Variants in PPP2R2B observed in about 807,000 individuals in gnomAD.
PPP2R2B encodes the protein serine/threonine-protein phosphatase 2A 55 kDa regulatory subunit B beta isoform.
A neutral mutation model predicts 46.0 loss-of-function variants in PPP2R2B; 5 were observed. The ratio of observed to expected loss-of-function variants is 0.11; its 90% CI spans 0.06 to 0.23. PPP2R2B has a LOEUF of 0.23. Ranked by LOEUF, PPP2R2B falls within the 10% of genes least tolerant of loss-of-function variation. The pLI is 1.00. For synonymous variants in PPP2R2B, 215 were observed against 206.7 expected (o/e 1.04, Z -0.34); for missense variants, 367 against 575.0 (o/e 0.64, Z 3.70).
chr5:146,716,482 C>T (rs1253064310), intron 2 of PPP2R2B, among the ~76,000 whole-genome samples: 1 of 152,156 alleles, frequency 6.6e-6, no homozygotes, highest in Non-Finnish European at 1.5e-5. Flanking sequence ...TAGCTCTTAA[C>T]CTTTATTAGG....
intron 2 of PPP2R2B, among the ~76,000 whole-genome samples, chr5:146,874,569 T>C (rs1761791052): frequency 6.6e-6 from 1 of 152,204 alleles, no homozygotes; most frequent in South Asian, 2.1e-4. Context: ...TAGGTTCTAT[T>C]GTTATTCCCA....
intron 1 of PPP2R2B, among the ~76,000 whole-genome samples, chr5:146,885,569 CA>C (rs1762295072): frequency 1.3e-5 from 2 of 152,132 alleles, no homozygotes; most frequent in African/African-American, 4.8e-5. Flanking sequence ...GCCAGTTCTT[CA>C]AAATATTAAG....
chr5:146,756,280 G>T (rs1753826075), intron 2 of PPP2R2B, among the ~76,000 whole-genome samples: 1 of 152,298 alleles, frequency 6.6e-6, no homozygotes, highest in South Asian at 2.1e-4. Flanking sequence ...TTAATGGGCA[G>T]AGGGGCTCTT....
At chr5:146,740,023 AT>A (rs1440197646) in intron 2 of PPP2R2B, among the ~76,000 whole-genome samples, 15 of 152,194 alleles carry the variant, frequency 9.9e-5, no homozygotes, top group Admixed American at 3.3e-4. Context: ...AGATATTATC[AT>A]TTTCATCAGA....
rs553238726 is a variant in PPP2R2B at position 146,931,315 on chromosome 5, A to T, written c.79+124350T>A. Among the ~76,000 whole-genome samples the T allele has an allele frequency of 3.3e-5, 5 of 152,244 alleles. No individual in the cohort carries two copies. In the South Asian group the frequency reaches 1.0e-3, roughly 32 times the overall value. ...TCTTCTGCTACACAATGGGAAATGG[A>T]GGTAAGAAGATTGCTGACCTCCCTG... On this transcript the variant is annotated intron_variant, in intron 1 of 8. Transcript: ENST00000336640.
intron 1 of PPP2R2B, among the ~76,000 whole-genome samples, chr5:146,939,230 A>T (rs1479972521): frequency 6.6e-6 from 1 of 152,118 alleles, no homozygotes; most frequent in Non-Finnish European, 1.5e-5. Flanking sequence ...CAGCTTTATC[A>T]CCTGGAATTT....
intron 7 of PPP2R2B, among the ~76,000 whole-genome samples, chr5:146,632,122 G>A (rs1774476062): frequency 8.1e-6 from 1 of 123,464 alleles, no homozygotes; most frequent in Admixed American, 1.2e-4. Context: ...AAATATAACT[G>A]TATTTGGAGA....
intron 7 of PPP2R2B, among the ~76,000 whole-genome samples, chr5:146,637,003 C>T (rs971922255): frequency 1.3e-5 from 2 of 152,190 alleles, no homozygotes; most frequent in African/African-American, 4.8e-5. Flanking sequence ...TCAAATGTCT[C>T]AACCGTCTCT....
At chr5:146,903,387 T>TTC (rs1163937652) in intron 1 of PPP2R2B, among the ~76,000 whole-genome samples, 111 of 135,264 alleles carry the variant, frequency 8.2e-4, no homozygotes, top group Middle Eastern at 4.0e-3. Context: ...CTTGCTTTCT[T>TTC]TCTCTTTTTT....
At chr5:147,033,731 T>C (rs2151893044) in intron 1 of PPP2R2B, among the ~76,000 whole-genome samples, 1 of 152,226 alleles carries the variant, frequency 6.6e-6, no homozygotes, top group African/African-American at 2.4e-5. Flanking sequence ...CTTAAACTTA[T>C]CCAATTTACT....
intron 1 of PPP2R2B, among the ~76,000 whole-genome samples, chr5:146,911,678 T>C (rs1763188278): frequency 6.6e-6 from 1 of 152,214 alleles, no homozygotes. Context: ...TCTTACTGCT[T>C]GTCTTCCTCA....
chr5:147,010,362 T>G (rs919044379), intron 1 of PPP2R2B, among the ~76,000 whole-genome samples: 19 of 152,170 alleles, frequency 1.2e-4, no homozygotes, highest in African/African-American at 4.6e-4. Context: ...ATTGTGCACT[T>G]TATTTCTATT....
chr5:146,588,386 A>G lies in PPP2R2B; in HGVS notation c.*1561T>C, dbSNP rs1251159290. 1 of 152,214 alleles carries G rather than the reference A, an allele frequency of 6.6e-6. No homozygotes were observed. Among genetic ancestry groups the G allele is most frequent in the Non-Finnish European group, 1.5e-5 (1 of 68,026 alleles). 9.4% of individuals were successfully genotyped at this position (152,214 alleles called of 1,614,324 possible). On this transcript the variant is annotated 3_prime_UTR_variant, in exon 10 of 10. Transcript: ENST00000394411. The stretch of plus-strand genomic sequence containing the variant: ...TTCTTTCACTATTTTTTCCTCCTCC[A>G]AAGCAAATTACACTTGAAAGTCAGG...
chr5:147,000,829 G>A (rs1182791574), intron 1 of PPP2R2B, among the ~76,000 whole-genome samples: 1 of 152,044 alleles, frequency 6.6e-6, no homozygotes, highest in Non-Finnish European at 1.5e-5. Context: ...TCTCCTGAGG[G>A]ATTTCCCTCC....
chr5:146,708,669 C>A (rs1249600493), intron 2 of PPP2R2B, among the ~76,000 whole-genome samples: 1 of 151,270 alleles, frequency 6.6e-6, no homozygotes, highest in African/African-American at 2.4e-5. Flanking sequence ...GATACAGTGT[C>A]TCTATTGATA....
chr5:146,593,659 G>C (rs892429647), intron 8 of PPP2R2B, among the ~76,000 whole-genome samples: 2 of 152,184 alleles, frequency 1.3e-5, no homozygotes, highest in Non-Finnish European at 2.9e-5. Flanking sequence ...GGAGATGAAT[G>C]AGCCACAGTG....
At chr5:146,715,843 A>C (rs937991381) in intron 2 of PPP2R2B, among the ~76,000 whole-genome samples, 1 of 151,444 alleles carries the variant, frequency 6.6e-6, no homozygotes, top group Non-Finnish European at 1.5e-5. Flanking sequence ...TTCTTTTTTC[A>C]TCTTTCACTC....
At chr5:146,870,758 A>G (rs1197434000) in intron 2 of PPP2R2B, among the ~76,000 whole-genome samples, 1 of 152,070 alleles carries the variant, frequency 6.6e-6, no homozygotes, top group East Asian at 1.9e-4. Context: ...AACTCCATAC[A>G]TCTTTTTTCC....
rs543304188 is a variant in PPP2R2B at position 146,731,955 on chromosome 5, C to T, written c.71-30813G>A. 1.7e-4 allele frequency among the ~76,000 whole-genome samples: 26 copies of T among 152,234 alleles called. 1 individual carries two copies. In the East Asian group the frequency reaches 3.9e-3, roughly 23 times the overall value. ...TTTCTTTTTGACCCCAAAGTTAGAG[C>T]GTAAATATCTCCCACTAACTTGATG... On this transcript the variant is annotated intron_variant, in intron 2 of 9. Coordinates refer to ENST00000394411, the MANE Select transcript of PPP2R2B (RefSeq NM_181675.4).
Sources: allele counts gnomAD v4.1 joint callset (sites outside exome capture counted in the v4.1 genomes callset), GRCh38; gene constraint gnomAD v4.1.1; transcripts MANE v1.5; gene names NCBI Gene and HGNC (gene_info 2026-07-23, HGNC 2026-07-21).